Variants in SLIT2 observed in about 807,000 individuals in gnomAD.
SLIT2 encodes the protein slit guidance ligand 2, also known as slit homolog 2 protein.
A neutral mutation model predicts 185.7 loss-of-function variants in SLIT2; 41 were observed. That is an observed-to-expected ratio of 0.22 (90% CI 0.17 to 0.29). SLIT2 has a LOEUF of 0.29. Among genes scored for constraint, SLIT2 ranks in the 10% least tolerant of loss-of-function variants. The pLI is 1.00. For missense variants in SLIT2, 1,571 were observed against 1,909.0 expected, an observed-to-expected ratio of 0.82 and a Z score of 3.30; for synonymous variants, 693 against 680.2, an observed-to-expected ratio of 1.02 and a Z score of -0.29.
chr4:20,431,541 T>C (rs549736842), intron 4 of SLIT2, among the ~76,000 whole-genome samples: 1 of 152,306 alleles, frequency 6.6e-6, no homozygotes, highest in South Asian at 2.1e-4. Context: ...GGCCTTTCGC[T>C]GCAGTCTGGC....
chr4:20,280,332 C>CAAA (rs10585964), intron 4 of SLIT2, among the ~76,000 whole-genome samples: 3 of 87,466 alleles, frequency 3.4e-5, no homozygotes, highest in Non-Finnish European at 4.8e-5. Flanking sequence ...GACTCTGTCT[C>CAAA]AAAAAAAAAA....
chr4:20,552,652 A>C (rs914201122), intron 25 of SLIT2: 13 of 152,178 alleles, frequency 8.5e-5, no homozygotes, highest in African/African-American at 2.9e-4. Flanking sequence ...CATTCACTAC[A>C]TTCTGATTCT....
intron 4 of SLIT2, among the ~76,000 whole-genome samples, chr4:20,278,830 G>A (rs1407493901): frequency 2.0e-5 from 3 of 147,790 alleles, no homozygotes; most frequent in Non-Finnish European, 4.5e-5. Flanking sequence ...GGGGGAGGGC[G>A]TGTGGAGGGG....
chr4:20,351,287 GAT>G (rs1721854116), intron 4 of SLIT2, among the ~76,000 whole-genome samples: 1 of 152,014 alleles, frequency 6.6e-6, no homozygotes, highest in Non-Finnish European at 1.5e-5. Flanking sequence ...GACCTCAGGT[GAT>G]CCACCCGCCT....
chr4:20,471,125 C>A (rs1321955136), intron 5 of SLIT2, among the ~76,000 whole-genome samples: 1 of 152,124 alleles, frequency 6.6e-6, no homozygotes, highest in East Asian at 1.9e-4. Context: ...ATTAAAATAT[C>A]ACAATGAATG....
chr4:20,274,124 T>C (rs544209314), intron 4 of SLIT2, among the ~76,000 whole-genome samples: 2 of 152,294 alleles, frequency 1.3e-5, no homozygotes, highest in East Asian at 3.9e-4. Context: ...AAGGAAACAC[T>C]ATCTGAATTA....
At chr4:20,589,580 C>T in intron 29 of SLIT2, 64 bp from the exon 30 acceptor site, 2 of 1,209,010 alleles carry the variant, frequency 1.7e-6, no homozygotes, top group East Asian at 2.3e-5. Context: ...GACAATGACA[C>T]AGTCTGCTGG....
chr4:20,256,718 G>C lies in SLIT2; in HGVS notation c.226G>C (p.Ala76Pro). The C allele has an allele frequency of 1.3e-6, 2 of 1,568,346 alleles. No individual in the cohort carries two copies. Among genetic ancestry groups the C allele is most frequent in the South Asian group, 2.3e-5 (2 of 86,822 alleles). The change falls in exon 2 of 37, where the codon GCT becomes CCT. Residue 76 changes from alanine (A) to proline (P), a missense_variant. Coordinates refer to ENST00000504154, the MANE Select transcript of SLIT2 (RefSeq NM_004787.4). ...NITRITKTDF[A>P]GLRHLRVLQL... is the part of the protein sequence containing the mutation. ...CACAAGAATTACGAAGACAGATTTT[G>C]CTGGTCTTAGACATCTAAGAGTTCT...
chr4:20,462,149 T>G (rs2148731589), intron 4 of SLIT2, among the ~76,000 whole-genome samples: 1 of 151,300 alleles, frequency 6.6e-6, no homozygotes, highest in African/African-American at 2.4e-5. Context: ...AATTAACACC[T>G]TTCCTATTTG....
chr4:20,378,019 C>T (rs1724180988), intron 4 of SLIT2, among the ~76,000 whole-genome samples: 1 of 152,126 alleles, frequency 6.6e-6, no homozygotes, highest in Admixed American at 6.6e-5. Flanking sequence ...TAAGTCCCTA[C>T]ACCCAGCGTG....
chr4:20,292,699 A>G (rs755338712), intron 4 of SLIT2, among the ~76,000 whole-genome samples: 16 of 152,192 alleles, frequency 1.1e-4, no homozygotes, highest in Non-Finnish European at 2.1e-4. Context: ...CTCTATATCA[A>G]ACTCGTTAAA....
chr4:20,553,850 G>A lies in SLIT2; in HGVS notation c.2607G>A (p.Trp869Ter). Residue 869 changes from tryptophan (W) to a stop codon, truncating the protein, a stop_gained, in exon 26 of 37, where the codon TGG becomes TGA. Coordinates refer to ENST00000504154, the MANE Select transcript of SLIT2 (RefSeq NM_004787.4). LOFTEE classifies it high-confidence loss of function. ...NPLYCDCNMQ[W>*]LSDWVKSEYK... ...TTTACTGTGATTGTAACATGCAGTG[G>A]TTATCCGACTGGGTGAAGTCGGAAT... 6.2e-7 allele frequency: 1 copy of A among 1,605,596 alleles called. No individual in the cohort carries two copies.
chr4:20,567,408 G>C (rs373969161), intron 27 of SLIT2, 22 bp downstream of exon 27: 1 of 1,612,982 alleles, frequency 6.2e-7, no homozygotes. Context: ...CACTTTAAGA[G>C]TCACAGTTTG....
chr4:20,482,205 A>G lies in SLIT2; in HGVS notation c.539+1418A>G, dbSNP rs17611968. Among the ~76,000 whole-genome samples, 1,362 of 152,100 alleles carry G rather than the reference A, an allele frequency of 9.0e-3. 12 individuals are homozygous for G. Among genetic ancestry groups the G allele is most frequent in the Non-Finnish European group, 0.013 (872 of 67,878 alleles). On this transcript the variant is annotated intron_variant, in intron 6 of 36. Coordinates refer to ENST00000504154, the MANE Select transcript of SLIT2 (RefSeq NM_004787.4). The stretch of plus-strand genomic sequence containing the variant: ...AATCAAACAGCTGATCAAGCCAAAA[A>G]TGTATTATTAAACCAGTGTTCCTAA...
intron 9 of SLIT2, among the ~76,000 whole-genome samples, chr4:20,496,417 A>T (rs889313774): frequency 6.6e-6 from 1 of 152,196 alleles, no homozygotes; most frequent in African/African-American, 2.4e-5. Flanking sequence ...GCTTGTGCAC[A>T]TTTGATCTTC....
At chr4:20,348,299 C>T (rs1480970866) in intron 4 of SLIT2, among the ~76,000 whole-genome samples, 1 of 152,052 alleles carries the variant, frequency 6.6e-6, no homozygotes, top group Admixed American at 6.6e-5. Context: ...AGTGCAGTGG[C>T]ATGATCTTGG....
chr4:20,551,007 G>T, intron 25 of SLIT2, 109 bp downstream of exon 25: 1 of 559,968 alleles, frequency 1.8e-6, no homozygotes, highest in Middle Eastern at 2.8e-4. Flanking sequence ...GATGTAATTG[G>T]TTTCATCTTT....
At chr4:20,522,902 G>A (rs1392607787) in intron 12 of SLIT2, among the ~76,000 whole-genome samples, 1 of 152,116 alleles carries the variant, frequency 6.6e-6, no homozygotes, top group African/African-American at 2.4e-5. Flanking sequence ...TGGGGGTAGG[G>A]AGGCAGGCAT....
chr4:20,580,704 A>G (rs1489138883), intron 29 of SLIT2, among the ~76,000 whole-genome samples: 1 of 152,114 alleles, frequency 6.6e-6, no homozygotes, highest in Non-Finnish European at 1.5e-5. Flanking sequence ...GTCAAGCACA[A>G]CTCACAGTGC....
Sources: gnomAD v4.1 joint callset for allele counts (sites outside exome capture counted in the v4.1 genomes callset) on GRCh38, gnomAD v4.1.1 for gene constraint, MANE v1.5 for transcripts, NCBI Gene and HGNC (gene_info 2026-07-23, HGNC 2026-07-21) for gene names.